Variants in PRTG observed in about 807,000 individuals in gnomAD.
PRTG encodes the protein immunoglobulin superfamily, DCC subclass, member 5.
Under a neutral mutation model 122.5 loss-of-function variants are expected in PRTG, and 67 were observed. The observed-to-expected ratio is 0.55, with a 90% CI of 0.45 to 0.67. PRTG has a LOEUF of 0.67. Among genes scored for constraint, PRTG ranks in the 30% least tolerant of loss-of-function variants. The pLI is 0.00. For synonymous variants in PRTG, 554 were observed against 501.1 expected, an observed-to-expected ratio of 1.11 and a Z score of -1.41; for missense variants, 1,435 against 1,415.4, an observed-to-expected ratio of 1.01 and a Z score of -0.22.
chr15:55,673,560 A>T lies in PRTG; in HGVS notation c.1663T>A (p.Ser555Thr), dbSNP rs763202853. Reference sequence around the variant, plus strand: ...GAATTCTCAGTACTTAGGCGGAAAGACAAGCGATACAGCACCACTTGGCCC... The same window carrying T: ...GAATTCTCAGTACTTAGGCGGAAAGTCAAGCGATACAGCACCACTTGGCCC... ...RRGQVVLYRL[S>T]FRLSTENSIQ... Residue 555 changes from serine to threonine, a missense_variant, in exon 10 of 20, where the codon TCT becomes ACT. Coordinates refer to ENST00000389286, the MANE Select transcript of PRTG (RefSeq NM_173814.6). 6.2e-7 allele frequency: 1 copy of T among 1,614,212 alleles called. No individual in the cohort carries two copies. The highest frequency in any genetic ancestry group is 8.5e-7 in the Non-Finnish European group (1 of 1,180,056).
At chr15:55,637,678 A>G (rs536296109) in intron 14 of PRTG, among the ~76,000 whole-genome samples, 13 of 152,192 alleles carry the variant, frequency 8.5e-5, no homozygotes, top group African/African-American at 3.1e-4. Context: ...TCACCCCATT[A>G]GTACTGATAG....
chr15:55,666,985 C>T (rs2059442613), intron 11 of PRTG, among the ~76,000 whole-genome samples: 1 of 151,962 alleles, frequency 6.6e-6, no homozygotes, highest in East Asian at 1.9e-4. Context: ...TTTCTTTTAC[C>T]GTCAGTGCCA....
At chr15:55,698,113 G>T (rs965890903) in intron 2 of PRTG, among the ~76,000 whole-genome samples, 1 of 151,996 alleles carries the variant, frequency 6.6e-6, no homozygotes, top group Admixed American at 6.6e-5. Flanking sequence ...TACCAGCTCT[G>T]CGCCCTTATT....
intron 11 of PRTG, among the ~76,000 whole-genome samples, chr15:55,660,683 A>T (rs890827434): frequency 1.3e-5 from 2 of 152,200 alleles, no homozygotes; most frequent in African/African-American, 4.8e-5. Context: ...GTCTCTACCT[A>T]GATGCATCTT....
Position 55,639,790 on chromosome 15 carries a change from G to A in PRTG, c.2176C>T (p.His726Tyr). ...DRMVPPPPPPHHLYAKANTSS... is the reference protein window; with the variant it reads ...DRMVPPPPPPYHLYAKANTSS... ...GTGTTAGCCTTCGCATAGAGATGGT[G>A]GGGTGGTGGTGGAGGAGGGACCATG... is the stretch of plus-strand genomic sequence containing the variant. Residue 726 changes from histidine (H) to tyrosine (Y), a missense_variant, in exon 13 of 20, where the codon CAC becomes TAC. Coordinates refer to ENST00000389286, the MANE Select transcript of PRTG (RefSeq NM_173814.6). The A allele has an allele frequency of 6.2e-7, 1 of 1,614,126 alleles. No individual in the cohort carries two copies. Among genetic ancestry groups the A allele is most frequent in the Non-Finnish European group, 8.5e-7 (1 of 1,180,008 alleles).
chr15:55,740,710 C>T, intron 1 of PRTG, 26 bp from the exon 2 acceptor site: 1 of 1,577,594 alleles, frequency 6.3e-7, no homozygotes, highest in South Asian at 1.2e-5. Context: ...AGGAGAACGG[C>T]ACATCCAGAA....
At chr15:55,699,032 A>G (rs964946122) in intron 2 of PRTG, among the ~76,000 whole-genome samples, 1 of 152,128 alleles carries the variant, frequency 6.6e-6, no homozygotes, top group African/African-American at 2.4e-5. Context: ...TTCCAGTTCT[A>G]AAGAGCCTTC....
At chr15:55,698,992 A>G (rs1226496359) in intron 2 of PRTG, among the ~76,000 whole-genome samples, 2 of 152,168 alleles carry the variant, frequency 1.3e-5, no homozygotes, top group African/African-American at 2.4e-5. Flanking sequence ...AACAAATGGT[A>G]GCGCTCTTCT....
intron 1 of PRTG, chr15:55,742,434 A>G (rs986106459): frequency 1.7e-5 from 3 of 179,966 alleles, no homozygotes; most frequent in African/African-American, 7.1e-5. Context: ...ATATAAATAA[A>G]GCCACGTGCA....
At chr15:55,678,683 C>T (rs931215497) in intron 7 of PRTG, among the ~76,000 whole-genome samples, 1 of 152,156 alleles carries the variant, frequency 6.6e-6, no homozygotes, top group African/African-American at 2.4e-5. Context: ...TTGTGATATT[C>T]AAATGCTCTC....
In PRTG at chr15:55,656,833, T is replaced by G. The variant is rs545182795; in HGVS notation, c.2041+15612A>C. ...ATAATTGTCTTAGTGGCCAATTTTA[T>G]CTCTTTTTGTCTATATCAAGTTATA... On this transcript the variant is annotated intron_variant, in intron 11 of 19. Transcript: ENST00000389286. Among the ~76,000 whole-genome samples, 7 of 152,332 alleles carry G rather than the reference T, an allele frequency of 4.6e-5. No homozygotes were observed. The East Asian group carries it at 1.2e-3, about 25-fold the overall frequency.
chr15:55,742,600 G>T (rs1194943719), intron 1 of PRTG: 2 of 493,660 alleles, frequency 4.1e-6, no homozygotes, highest in Non-Finnish European at 7.1e-6. Flanking sequence ...GCGGAGGGGC[G>T]TGCGCCCGGA....
chr15:55,740,581 A>T lies in PRTG; in HGVS notation c.198T>A (p.Val66=), dbSNP rs1200674849. ...TTTTCAACCATGTGACCTTAATAGG[A>T]ACTTCTCCGTGAGCCTGGCAATCTA... ...VVLDCQAHGE[V]PIKVTWLKNG... The change falls in exon 2 of 20, where the codon GTT becomes GTA. Residue 66 remains valine (V), a synonymous_variant. Coordinates refer to ENST00000389286, the MANE Select transcript of PRTG (RefSeq NM_173814.6). The T allele has an allele frequency of 1.2e-6, 2 of 1,614,090 alleles. No homozygotes were observed. The highest frequency in any genetic ancestry group is 1.7e-6 in the Non-Finnish European group (2 of 1,180,050).
intron 11 of PRTG, among the ~76,000 whole-genome samples, chr15:55,649,398 AGATGTT>A (rs1216885480): frequency 8.0e-6 from 1 of 125,604 alleles, no homozygotes; most frequent in African/African-American, 3.0e-5. Context: ...CCATCTCATG[AGATGTT>A]GGGGAGGGAA....
Position 55,682,501 on chromosome 15 carries a change from T to C in PRTG, c.543-4A>G. ...TCCTGTTGGTAGGGCAGTTATCCTG[T>C]TATGAGAGAAAGATAATTAAACTTT... On this transcript the variant is annotated splice_polypyrimidine_tract_variant and splice_region_variant and intron_variant, in intron 3 of 19. Coordinates refer to ENST00000389286, the MANE Select transcript of PRTG (RefSeq NM_173814.6). 1 of 1,443,212 alleles carries C rather than the reference T, an allele frequency of 6.9e-7. No homozygotes were observed. 89.4% of individuals were successfully genotyped at this position (1,443,212 alleles called of 1,614,324 possible). A position where few individuals can be genotyped will look rare whatever the true frequency, so the allele number is the denominator to read the frequency against.
At chr15:55,620,562 C>A in intron 19 of PRTG, 101 bp downstream of exon 19, 4 of 1,450,678 alleles carry the variant, frequency 2.8e-6, no homozygotes, top group Admixed American at 5.5e-5. Flanking sequence ...ATGAAGAACA[C>A]AGAAAATTAA....
chr15:55,665,888 AT>A (rs1243015662), intron 11 of PRTG, among the ~76,000 whole-genome samples: 2 of 152,174 alleles, frequency 1.3e-5, no homozygotes, highest in Non-Finnish European at 2.9e-5. Context: ...AAAGAATACT[AT>A]TTTGTGACAC....
intron 11 of PRTG, chr15:55,655,640 T>C (rs367590024): frequency 4.5e-4 from 68 of 152,256 alleles, no homozygotes; most frequent in African/African-American, 1.5e-3. Context: ...GTATGAACTT[T>C]AGACAGTATA....
chr15:55,680,328 T>C, intron 5 of PRTG, 116 bp from the exon 6 acceptor site: 1 of 1,123,744 alleles, frequency 8.9e-7, no homozygotes, highest in Non-Finnish European at 1.2e-6. Flanking sequence ...TATAAAATTC[T>C]CCATGTTAAG....
Sources: gnomAD v4.1 joint callset for allele counts (sites outside exome capture counted in the v4.1 genomes callset) on GRCh38, gnomAD v4.1.1 for gene constraint, MANE v1.5 for transcripts, NCBI Gene and HGNC (gene_info 2026-07-23, HGNC 2026-07-21) for gene names.